Variants in FGF12 observed in about 807,000 individuals in gnomAD.
FGF12 encodes fibroblast growth factor 12B.
In FGF12, 14 loss-of-function variants were observed where a neutral mutation model predicts 23.6. The observed-to-expected ratio is 0.59, with a 90% CI of 0.39 to 0.93. The LOEUF (loss-of-function observed/expected upper bound fraction) is 0.93, where lower values mean the gene tolerates loss of function less well. Among genes scored for constraint, FGF12 ranks in the 40% least tolerant of loss-of-function variants. The pLI, the probability that FGF12 is intolerant of heterozygous loss-of-function variation, is 0.00. For missense variants in FGF12, 175 were observed against 217.8 expected, an observed-to-expected ratio of 0.80 and a Z score of 1.24; for synonymous variants, 62 against 77.3, an observed-to-expected ratio of 0.80 and a Z score of 1.04.
intron 2 of FGF12, among the ~76,000 whole-genome samples, chr3:192,672,235 AT>A (rs368254414): frequency 8.7e-4 from 132 of 151,256 alleles, no homozygotes; most frequent in African/African-American, 3.2e-3. Flanking sequence ...AACTCCTCTG[AT>A]ACACACCTCC....
At chr3:192,566,414 C>T (rs1712281772) in intron 2 of FGF12, among the ~76,000 whole-genome samples, 1 of 152,042 alleles carries the variant, frequency 6.6e-6, no homozygotes, top group South Asian at 2.1e-4. Flanking sequence ...AAACAAAGGC[C>T]TCAAATACAC....
At chr3:192,392,108 G>A (rs1720316847) in intron 2 of FGF12, among the ~76,000 whole-genome samples, 2 of 152,168 alleles carry the variant, frequency 1.3e-5, no homozygotes, top group African/African-American at 4.8e-5. Flanking sequence ...CTATTATAGA[G>A]AGAAGGGATT....
intron 2 of FGF12, among the ~76,000 whole-genome samples, chr3:192,512,825 T>C (rs1724520929): frequency 7.6e-6 from 1 of 132,384 alleles, no homozygotes; most frequent in Non-Finnish European, 1.6e-5. Flanking sequence ...ACCTAGAGTA[T>C]ACTCAAATAA....
At chr3:192,282,122 G>T (rs1714179704) in intron 4 of FGF12, among the ~76,000 whole-genome samples, 1 of 152,034 alleles carries the variant, frequency 6.6e-6, no homozygotes, top group Admixed American at 6.6e-5. Context: ...GTATTTTATT[G>T]GTAGGTTATA....
rs1375746713 is a variant in FGF12, at chr3:192,378,203, T to C, written c.14-17665A>G. On this transcript the variant is annotated intron_variant, in intron 2 of 5. Transcript: ENST00000445105. Reference sequence around the variant, plus strand: ...ACAGCTCACTGCAGCTTCGAACTCCTGAGCTCAGGAGATTCTCCCGCCTTA... The same window carrying C: ...ACAGCTCACTGCAGCTTCGAACTCCCGAGCTCAGGAGATTCTCCCGCCTTA... Among the ~76,000 whole-genome samples the C allele has an allele frequency of 6.0e-5, 9 of 149,552 alleles. No individual in the cohort carries two copies. The South Asian group carries it at 1.0e-3, about 17-fold the overall frequency.
chr3:192,429,991 G>C (rs1721813622), intron 2 of FGF12, among the ~76,000 whole-genome samples: 1 of 152,102 alleles, frequency 6.6e-6, no homozygotes, highest in Non-Finnish European at 1.5e-5. Flanking sequence ...TTCTATTTTA[G>C]TTAAATAGCA....
rs535263550 is a variant in FGF12, at chr3:192,561,608, C to T, written c.13+165573G>A. Among the ~76,000 whole-genome samples, 169 of 152,218 alleles carry T rather than the reference C, an allele frequency of 1.1e-3. 1 individual carries two copies. The highest frequency in any genetic ancestry group is 1.5e-3 in the Non-Finnish European group (100 of 68,010). ...CGATCTCCTGACCTTGTGATCCGCC[C>T]GCCTCGGCCTCCCAAAGTGCTGGGA... is the stretch of plus-strand genomic sequence containing the variant. On this transcript the variant is annotated intron_variant, in intron 2 of 5. Transcript: ENST00000445105.
chr3:192,568,535 G>C (rs1712450388), intron 2 of FGF12, among the ~76,000 whole-genome samples: 1 of 152,132 alleles, frequency 6.6e-6, no homozygotes, highest in African/African-American at 2.4e-5. Flanking sequence ...AGCGTTCTTG[G>C]TCTAAGAGGA....
chr3:192,215,223 T>C (rs932316249), intron 4 of FGF12, among the ~76,000 whole-genome samples: 1 of 152,202 alleles, frequency 6.6e-6, no homozygotes, highest in African/African-American at 2.4e-5. Context: ...GGTGTTGATA[T>C]CATTTTCATT....
chr3:192,208,243 G>T (rs1717751289), intron 4 of FGF12, among the ~76,000 whole-genome samples: 1 of 152,188 alleles, frequency 6.6e-6, no homozygotes, highest in African/African-American at 2.4e-5. Context: ...GTGATTTATA[G>T]AAACTAGAAT....
chr3:192,546,852 C>T (rs1395604627), intron 2 of FGF12, among the ~76,000 whole-genome samples: 1 of 152,154 alleles, frequency 6.6e-6, no homozygotes, highest in Admixed American at 6.6e-5. Flanking sequence ...TAGTTTGAGA[C>T]CAGCCTGTGC....
At chr3:192,148,353 T>G (rs1713842426) in intron 5 of FGF12, among the ~76,000 whole-genome samples, 2 of 152,200 alleles carry the variant, frequency 1.3e-5, no homozygotes, top group African/African-American at 4.8e-5. Flanking sequence ...AATAAGCCAG[T>G]TACAAGGAGC....
At chr3:192,447,667 T>C (rs1327732099) in intron 2 of FGF12, among the ~76,000 whole-genome samples, 13 of 152,240 alleles carry the variant, frequency 8.5e-5, no homozygotes, top group Admixed American at 8.5e-4. Context: ...TAAACTTACG[T>C]AATGACTACT....
chr3:192,613,595 T>C (rs1243707417), intron 2 of FGF12, among the ~76,000 whole-genome samples: 1 of 151,860 alleles, frequency 6.6e-6, no homozygotes, highest in Non-Finnish European at 1.5e-5. Flanking sequence ...CAACACAATT[T>C]TCCAGATATT....
At chr3:192,445,682 A>C (rs1002010370) in intron 2 of FGF12, among the ~76,000 whole-genome samples, 1 of 152,158 alleles carries the variant, frequency 6.6e-6, no homozygotes, top group African/African-American at 2.4e-5. Flanking sequence ...GAATACATGC[A>C]GCAGCGTTTT....
chr3:192,554,775 T>C (rs914429891), intron 2 of FGF12, among the ~76,000 whole-genome samples: 1 of 134,084 alleles, frequency 7.5e-6, no homozygotes, highest in African/African-American at 2.8e-5. Context: ...ACTATAAAGA[T>C]GCTCAATGAG....
chr3:192,325,928 A>T (rs906275267), intron 4 of FGF12, among the ~76,000 whole-genome samples: 7 of 152,134 alleles, frequency 4.6e-5, no homozygotes, highest in Non-Finnish European at 1.0e-4. Flanking sequence ...GAAACAGACT[A>T]CTCAAAAGTG....
At chr3:192,691,776 T>G (rs1717950128) in intron 2 of FGF12, among the ~76,000 whole-genome samples, 1 of 151,636 alleles carries the variant, frequency 6.6e-6, no homozygotes, top group African/African-American at 2.4e-5. Flanking sequence ...TAACAAACTT[T>G]TAGCTTGAAT....
chr3:192,339,673 T>A (rs992499030), intron 3 of FGF12, among the ~76,000 whole-genome samples: 14 of 152,204 alleles, frequency 9.2e-5, no homozygotes, highest in African/African-American at 3.1e-4. Context: ...CCTACCTTGT[T>A]GAACTCCCCC....
Sources: allele counts gnomAD v4.1 joint callset (sites outside exome capture counted in the v4.1 genomes callset), GRCh38; gene constraint gnomAD v4.1.1; transcripts MANE v1.5; gene names NCBI Gene and HGNC (gene_info 2026-07-23, HGNC 2026-07-21).